The following CTNNA2 variants were observed in gnomAD, a reference collection of about 807,000 sequenced individuals.
The protein encoded by CTNNA2 is catenin alpha-2.
CTNNA2 carries 42 observed loss-of-function variants against 101.0 expected under a neutral mutation model. That is an observed-to-expected ratio of 0.42 (90% CI 0.32 to 0.54). The LOEUF (loss-of-function observed/expected upper bound fraction) is 0.54, where lower values mean the gene tolerates loss of function less well. Among genes scored for constraint, CTNNA2 ranks in the 20% least tolerant of loss-of-function variants. The pLI, the probability that CTNNA2 is intolerant of heterozygous loss-of-function variation, is 0.14. For synonymous variants in CTNNA2, 450 were observed against 456.4 expected (o/e 0.99, Z 0.18); for missense variants, 871 against 1,223.1 (o/e 0.71, Z 4.29).
chr2:80,351,207 G>A (rs1175776848), intron 7 of CTNNA2, among the ~76,000 whole-genome samples: 1 of 152,012 alleles, frequency 6.6e-6, no homozygotes, highest in Admixed American at 6.6e-5. Context: ...TTGCAAGTGT[G>A]ATTAAATATG....
At chr2:79,983,583 A>C (rs1691546954) in intron 7 of CTNNA2, among the ~76,000 whole-genome samples, 1 of 152,168 alleles carries the variant, frequency 6.6e-6, no homozygotes, top group African/African-American at 2.4e-5. Flanking sequence ...GGCCCAGTTA[A>C]GAACAAGCTT....
At chr2:79,778,444 A>C (rs569586022) in intron 3 of CTNNA2, among the ~76,000 whole-genome samples, 315 of 152,288 alleles carry the variant, frequency 2.1e-3, no homozygotes, top group African/African-American at 7.3e-3. Context: ...TTAATGTGTT[A>C]GTATGGCAAT....
At chr2:79,749,519 C>G (rs537761373) in intron 3 of CTNNA2, among the ~76,000 whole-genome samples, 2 of 151,930 alleles carry the variant, frequency 1.3e-5, no homozygotes, top group Non-Finnish European at 2.9e-5. Context: ...TATTATCTTC[C>G]TAATGTAAGT....
chr2:80,174,586 G>A (rs971216941), intron 7 of CTNNA2, among the ~76,000 whole-genome samples: 18 of 152,052 alleles, frequency 1.2e-4, no homozygotes, highest in African/African-American at 3.4e-4. Flanking sequence ...AGTTCCTAAC[G>A]ATAGTCTCCT....
At chr2:80,204,772 T>C (rs1274859360) in intron 7 of CTNNA2, among the ~76,000 whole-genome samples, 1 of 151,452 alleles carries the variant, frequency 6.6e-6, no homozygotes, top group Admixed American at 6.6e-5. Context: ...CAATTTACTG[T>C]ATTAGTTCAT....
At chr2:79,213,018 A>G (rs1035188939) in intron 2 of CTNNA2, among the ~76,000 whole-genome samples, 28 of 152,198 alleles carry the variant, frequency 1.8e-4, no homozygotes, top group African/African-American at 6.8e-4. Context: ...GGAAATGACG[A>G]CAGAATAGAA....
intron 7 of CTNNA2, among the ~76,000 whole-genome samples, chr2:79,970,595 T>G (rs918550962): frequency 3.3e-5 from 5 of 152,144 alleles, no homozygotes; most frequent in Non-Finnish European, 1.5e-5. Flanking sequence ...ATTCCTGGAT[T>G]CACAGCATCT....
At chr2:79,248,894 A>C (rs2104268470) in intron 2 of CTNNA2, among the ~76,000 whole-genome samples, 1 of 152,278 alleles carries the variant, frequency 6.6e-6, no homozygotes, top group African/African-American at 2.4e-5. Context: ...TTCGTCTTTC[A>C]GTTATTTCAG....
chr2:80,161,263 G>A (rs1361305087), intron 7 of CTNNA2, among the ~76,000 whole-genome samples: 1 of 152,094 alleles, frequency 6.6e-6, no homozygotes, highest in Non-Finnish European at 1.5e-5. Flanking sequence ...TGATTCACCT[G>A]CCTCAGCCTC....
At chr2:79,895,867 CA>C (rs1181314060) in intron 6 of CTNNA2, among the ~76,000 whole-genome samples, 1 of 152,098 alleles carries the variant, frequency 6.6e-6, no homozygotes, top group African/African-American at 2.4e-5. Flanking sequence ...AAATGGGCAG[CA>C]GATCTATTTT....
intron 6 of CTNNA2, among the ~76,000 whole-genome samples, chr2:79,904,507 C>A (rs1055135219): frequency 6.6e-5 from 10 of 152,188 alleles, no homozygotes; most frequent in African/African-American, 2.4e-4. Context: ...ACATATTAGA[C>A]TCATTTCACC....
chr2:80,374,682 CGT>C (rs57179557), intron 7 of CTNNA2, among the ~76,000 whole-genome samples: 9,049 of 133,658 alleles, frequency 0.068, 369 homozygotes, highest in South Asian at 0.19. Flanking sequence ...TGCGTGCGTG[CGT>C]GTGTGTGTGT....
intron 3 of CTNNA2, among the ~76,000 whole-genome samples, chr2:79,756,447 G>A (rs1672405206): frequency 6.6e-6 from 1 of 152,044 alleles, no homozygotes; most frequent in South Asian, 2.1e-4. Flanking sequence ...CTGCTAATAA[G>A]AATATTACAT....
intron 12 of CTNNA2, among the ~76,000 whole-genome samples, chr2:80,556,362 A>G (rs1037876735): frequency 1.3e-5 from 2 of 152,230 alleles, no homozygotes; most frequent in African/African-American, 2.4e-5. Flanking sequence ...ACTCTGAACC[A>G]GCCAGTGGAA....
chr2:79,438,393 C>T lies in CTNNA2; in HGVS notation c.-135+64380C>T, dbSNP rs112701781. Among the ~76,000 whole-genome samples, 31 of 152,280 alleles carry T rather than the reference C, an allele frequency of 2.0e-4. 2 individuals carry two copies. Among genetic ancestry groups the T allele is most frequent in the African/African-American group, 7.5e-4 (31 of 41,550 alleles). ...AGCCATCCCAGTTTGCCAGAGATGG[C>T]CTCCTTTTTAGCACTGAAAGTCCTA... On this transcript the variant is annotated intron_variant, in intron 4 of 21. Transcript: ENST00000466387.
At chr2:80,065,113 G>A (rs1398631190) in intron 7 of CTNNA2, among the ~76,000 whole-genome samples, 2 of 152,128 alleles carry the variant, frequency 1.3e-5, no homozygotes, top group African/African-American at 2.4e-5. Context: ...CTTATGGCCA[G>A]TATGATGGGA....
At chr2:79,885,470 A>G (rs1683788430) in intron 6 of CTNNA2, among the ~76,000 whole-genome samples, 1 of 152,212 alleles carries the variant, frequency 6.6e-6, no homozygotes, top group South Asian at 2.1e-4. Context: ...GATTTCTTCA[A>G]CATCAGGGAA....
chr2:79,549,267 A>G (rs1018762199), intron 1 of CTNNA2, among the ~76,000 whole-genome samples: 1 of 152,176 alleles, frequency 6.6e-6, no homozygotes, highest in Admixed American at 6.5e-5. Flanking sequence ...GAGCTTTATT[A>G]TTAGTTCCCA....
At chr2:80,515,714 A>T (rs180900459) in intron 9 of CTNNA2, among the ~76,000 whole-genome samples, 34 of 152,374 alleles carry the variant, frequency 2.2e-4, no homozygotes, top group African/African-American at 7.9e-4. Context: ...TTTGTAAAGA[A>T]ACATAGAAAC....
Sources: allele counts gnomAD v4.1 joint callset (sites outside exome capture counted in the v4.1 genomes callset), GRCh38; gene constraint gnomAD v4.1.1; transcripts MANE v1.5; gene names NCBI Gene and HGNC (gene_info 2026-07-23, HGNC 2026-07-21).